Variants in NELL1 observed in about 807,000 individuals in gnomAD.
NELL1 encodes the protein protein kinase C-binding protein NELL1.
Under a neutral mutation model 107.4 loss-of-function variants are expected in NELL1, and 76 were observed. That is an observed-to-expected ratio of 0.71 (90% CI 0.59 to 0.86). The LOEUF (loss-of-function observed/expected upper bound fraction) is 0.86. Among genes scored for constraint, NELL1 ranks in the 40% least tolerant of loss-of-function variants. NELL1 has a pLI of 0.00. For missense variants in NELL1, 1,024 were observed against 1,005.5 expected (o/e 1.02, Z -0.25); for synonymous variants, 353 against 341.2 (o/e 1.03, Z -0.38).
At chr11:21,217,149 C>T (rs1008836152) in intron 13 of NELL1, among the ~76,000 whole-genome samples, 1 of 152,130 alleles carries the variant, frequency 6.6e-6, no homozygotes, top group African/African-American at 2.4e-5. Flanking sequence ...CTTCTTACAA[C>T]CACCATATAA....
At chr11:21,384,907 T>C (rs73457927) in intron 15 of NELL1, among the ~76,000 whole-genome samples, 4,687 of 151,996 alleles carry the variant, frequency 0.031, 249 homozygotes, top group African/African-American at 0.11. Flanking sequence ...GTCAGTTATG[T>C]TTTCCTTACT....
chr11:21,272,483 C>T (rs1452897740), intron 14 of NELL1, among the ~76,000 whole-genome samples: 1 of 152,206 alleles, frequency 6.6e-6, no homozygotes, highest in Non-Finnish European at 1.5e-5. Flanking sequence ...AGGGGCAAGG[C>T]ACAGCCAAAG....
intron 12 of NELL1, among the ~76,000 whole-genome samples, chr11:20,970,462 A>G (rs915195770): frequency 1.3e-5 from 2 of 152,232 alleles, no homozygotes; most frequent in African/African-American, 2.4e-5. Flanking sequence ...GCCTTGTATC[A>G]GATAAGAAAA....
At chr11:21,408,674 A>G (rs889262527) in intron 15 of NELL1, among the ~76,000 whole-genome samples, 7 of 152,026 alleles carry the variant, frequency 4.6e-5, no homozygotes, top group Non-Finnish European at 1.0e-4. Context: ...TAGTTTAATT[A>G]GATCCCATTT....
chr11:20,788,147 A>T (rs1857005586), intron 3 of NELL1, among the ~76,000 whole-genome samples: 1 of 152,210 alleles, frequency 6.6e-6, no homozygotes, highest in Non-Finnish European at 1.5e-5. Flanking sequence ...CTTGGCTATT[A>T]TGAATAATGC....
chr11:20,917,671 C>T (rs1028205253), intron 5 of NELL1, among the ~76,000 whole-genome samples: 2 of 151,910 alleles, frequency 1.3e-5, no homozygotes, highest in Non-Finnish European at 2.9e-5. Context: ...AAAAGACCAC[C>T]TTTTACTCTT....
At chr11:20,741,424 G>A (rs569232041) in intron 2 of NELL1, among the ~76,000 whole-genome samples, 1 of 152,274 alleles carries the variant, frequency 6.6e-6, no homozygotes, top group South Asian at 2.1e-4. Flanking sequence ...ACTGCTCACA[G>A]ATGATGACAT....
intron 4 of NELL1, among the ~76,000 whole-genome samples, chr11:20,867,953 TA>T (rs1849125681): frequency 6.6e-6 from 1 of 152,208 alleles, no homozygotes; most frequent in Non-Finnish European, 1.5e-5. Flanking sequence ...CACTCATATA[TA>T]CTTAGGTAAA....
chr11:21,516,285 AT>A (rs758504304), intron 15 of NELL1, among the ~76,000 whole-genome samples: 1 of 152,292 alleles, frequency 6.6e-6, no homozygotes. Context: ...CTTAATAGGC[AT>A]TGAAAAAACT....
At chr11:21,400,252 T>C (rs1400930538) in intron 15 of NELL1, among the ~76,000 whole-genome samples, 1 of 151,840 alleles carries the variant, frequency 6.6e-6, no homozygotes, top group African/African-American at 2.4e-5. Flanking sequence ...TGTTTTCTTA[T>C]CAATTCATTC....
chr11:21,564,030 G>A (rs1168332347), intron 17 of NELL1, among the ~76,000 whole-genome samples: 2 of 151,806 alleles, frequency 1.3e-5, no homozygotes, highest in Non-Finnish European at 2.9e-5. Flanking sequence ...GATGAGCCAG[G>A]AGATTATGAT....
chr11:20,721,234 T>TTTTATA (rs1554906608), intron 2 of NELL1, among the ~76,000 whole-genome samples: 1 of 138,852 alleles, frequency 7.2e-6, no homozygotes, highest in Non-Finnish European at 1.5e-5. Context: ...TATATTTTGT[T>TTTTATA]TATATATATA....
chr11:21,045,542 A>T (rs1349190984), intron 12 of NELL1, among the ~76,000 whole-genome samples: 1 of 152,218 alleles, frequency 6.6e-6, no homozygotes, highest in African/African-American at 2.4e-5. Context: ...CTGTATTAGC[A>T]TAATAGTTTA....
At chr11:21,208,769 C>T (rs1219277900) in intron 13 of NELL1, among the ~76,000 whole-genome samples, 2 of 152,038 alleles carry the variant, frequency 1.3e-5, no homozygotes, top group Non-Finnish European at 2.9e-5. Context: ...GTGGTCCAAG[C>T]TGAAGTAGTT....
At chr11:21,288,687 T>C (rs528331213) in intron 14 of NELL1, among the ~76,000 whole-genome samples, 81 of 152,348 alleles carry the variant, frequency 5.3e-4, no homozygotes, top group African/African-American at 1.8e-3. Flanking sequence ...TTGTTTTGGT[T>C]GTCTATTGCT....
At chr11:21,382,957 C>T (rs1851645821) in intron 15 of NELL1, among the ~76,000 whole-genome samples, 1 of 151,912 alleles carries the variant, frequency 6.6e-6, no homozygotes, top group African/African-American at 2.4e-5. Flanking sequence ...ATCTAGCTTT[C>T]TGTGAAACCG....
intron 14 of NELL1, among the ~76,000 whole-genome samples, chr11:21,241,516 C>T (rs977831120): frequency 1.3e-5 from 2 of 152,078 alleles, no homozygotes; most frequent in African/African-American, 2.4e-5. Flanking sequence ...CTGCTTGGTC[C>T]AGATGCTTCA....
chr11:21,402,370 C>T (rs1343393075), intron 15 of NELL1, among the ~76,000 whole-genome samples: 1 of 151,748 alleles, frequency 6.6e-6, no homozygotes, highest in African/African-American at 2.4e-5. Context: ...AGAGACCCAC[C>T]CATAATATTT....
At chr11:21,320,621 A>T (rs930775597) in intron 14 of NELL1, among the ~76,000 whole-genome samples, 2 of 152,144 alleles carry the variant, frequency 1.3e-5, no homozygotes, top group African/African-American at 2.4e-5. Flanking sequence ...ATTGCTGTTT[A>T]TTCCATCAGG....
Sources: allele counts gnomAD v4.1 joint callset (sites outside exome capture counted in the v4.1 genomes callset), GRCh38; gene constraint gnomAD v4.1.1; transcripts MANE v1.5; gene names NCBI Gene and HGNC (gene_info 2026-07-23, HGNC 2026-07-21).